The following LDB2 variants were observed in gnomAD, a reference collection of about 807,000 sequenced individuals.
LDB2 encodes the protein LIM domain binding 2, also known as LIM domain-binding protein 2.
In LDB2, 12 loss-of-function variants were observed where a neutral mutation model predicts 44.3. The ratio of observed to expected loss-of-function variants is 0.27; its 90% confidence interval spans 0.17 to 0.44. The LOEUF is 0.44. Among genes scored for constraint, LDB2 ranks in the 20% least tolerant of loss-of-function variants. LDB2 has a pLI of 1.00. For synonymous variants in LDB2, 164 were observed against 174.8 expected (o/e 0.94, Z 0.49); for missense variants, 344 against 473.5 (o/e 0.73, Z 2.54).
intron 2 of LDB2, among the ~76,000 whole-genome samples, chr4:16,614,580 C>CAAAAAAAAA (rs1164613202): frequency 3.4e-3 from 185 of 53,628 alleles, no homozygotes; most frequent in Non-Finnish European, 3.9e-3. Context: ...CAAGAAAAAA[C>CAAAAAAAAA]AAAAAAAAAA....
intron 1 of LDB2, among the ~76,000 whole-genome samples, chr4:16,816,554 G>A (rs943586251): frequency 1.4e-5 from 2 of 147,850 alleles, no homozygotes; most frequent in African/African-American, 4.9e-5. Flanking sequence ...GACTACAGGC[G>A]CCTGCCACCA....
At chr4:16,701,680 T>C (rs1753467279) in intron 2 of LDB2, among the ~76,000 whole-genome samples, 1 of 152,160 alleles carries the variant, frequency 6.6e-6, no homozygotes, top group African/African-American at 2.4e-5. Context: ...AGTTAACTTC[T>C]GGGGGCAGCT....
intron 1 of LDB2, among the ~76,000 whole-genome samples, chr4:16,794,699 T>C (rs1325910080): frequency 6.6e-6 from 1 of 152,264 alleles, no homozygotes; most frequent in Non-Finnish European, 1.5e-5. Context: ...TGATGTTACC[T>C]ATTATTAGGT....
At chr4:16,834,390 C>G (rs554493995) in intron 1 of LDB2, among the ~76,000 whole-genome samples, 1 of 152,348 alleles carries the variant, frequency 6.6e-6, no homozygotes, top group Admixed American at 6.5e-5. Context: ...TGTGCCATCA[C>G]ACCTATGTGG....
chr4:16,655,543 G>A (rs1739542264), intron 2 of LDB2, among the ~76,000 whole-genome samples: 1 of 152,170 alleles, frequency 6.6e-6, no homozygotes, highest in Admixed American at 6.5e-5. Flanking sequence ...TAAAATGAGT[G>A]TCATTTGCTC....
At position 16,582,481 on chromosome 4, in the gene LDB2, C is replaced by T. The variant is rs950618519; in HGVS notation, c.615+3441G>A. ...TTTCCGAGTTCCTGGCTTGCTTCTCCCATTCTAGTGCTCAAGTTCCAGCAC... is the reference window on the plus strand; with the variant it reads ...TTTCCGAGTTCCTGGCTTGCTTCTCTCATTCTAGTGCTCAAGTTCCAGCAC... On this transcript the variant is annotated intron_variant, in intron 5 of 7. Transcript: ENST00000304523. This position sits in a 1 kb window ranked among gnomAD's most constrained non-coding sequence, Gnocchi z 4.8. Among the ~76,000 whole-genome samples the T allele has an allele frequency of 3.9e-5, 6 of 152,208 alleles. No individual in the cohort carries two copies. The highest frequency in any genetic ancestry group is 7.3e-5 in the Non-Finnish European group (5 of 68,038).
At chr4:16,814,552 A>G (rs1188057712) in intron 1 of LDB2, among the ~76,000 whole-genome samples, 2 of 152,134 alleles carry the variant, frequency 1.3e-5, no homozygotes, top group Non-Finnish European at 2.9e-5. Context: ...TAATCCTCCA[A>G]TAATTTATGT....
chr4:16,706,873 T>C lies in LDB2; in HGVS notation c.235+52285A>G, dbSNP rs555448038. On this transcript the variant is annotated intron_variant, in intron 2 of 7. Transcript: ENST00000304523. Reference sequence around the variant, plus strand: ...CAGATAGGGTGACAGGGATCAGTCATTTAGGAAGTAGCTCATTATTGCTAA... The same window carrying C: ...CAGATAGGGTGACAGGGATCAGTCACTTAGGAAGTAGCTCATTATTGCTAA... Among the ~76,000 whole-genome samples, 96 of 152,246 alleles carry C rather than the reference T, an allele frequency of 6.3e-4. 1 individual carries two copies. The South Asian group carries it at 0.019, about 30-fold the overall frequency.
intron 6 of LDB2, among the ~76,000 whole-genome samples, chr4:16,510,577 A>G (rs1721354413): frequency 6.6e-6 from 1 of 152,188 alleles, no homozygotes. Flanking sequence ...ATTCTGGACT[A>G]TTCCCATTAC....
chr4:16,517,800 C>CT (rs1333462266), intron 5 of LDB2, among the ~76,000 whole-genome samples: 4 of 152,138 alleles, frequency 2.6e-5, no homozygotes, highest in African/African-American at 7.2e-5. Context: ...CTTCTGACCT[C>CT]TTTTTTCTGG....
intron 1 of LDB2, among the ~76,000 whole-genome samples, chr4:16,774,227 T>C (rs894139124): frequency 7.9e-5 from 12 of 151,722 alleles, no homozygotes; most frequent in African/African-American, 2.9e-4. Flanking sequence ...CTCCCACACT[T>C]TCTCAACCAT....
At chr4:16,870,883 C>T (rs1716368752) in intron 1 of LDB2, among the ~76,000 whole-genome samples, 1 of 152,152 alleles carries the variant, frequency 6.6e-6, no homozygotes, top group Non-Finnish European at 1.5e-5. Flanking sequence ...ATCCGCCCAC[C>T]TCGGCCTCCC....
intron 1 of LDB2, chr4:16,759,489 T>C: frequency 2.1e-6 from 1 of 474,524 alleles, no homozygotes; most frequent in South Asian, 4.0e-5. Context: ...GAATAAAAAT[T>C]AATTCTCCAG....
chr4:16,887,805 G>A (rs1722193216), intron 1 of LDB2, among the ~76,000 whole-genome samples: 1 of 151,996 alleles, frequency 6.6e-6, no homozygotes, highest in South Asian at 2.1e-4. Flanking sequence ...AATCATAGGT[G>A]CCCTGGTCAG....
intron 5 of LDB2, among the ~76,000 whole-genome samples, chr4:16,543,376 T>G (rs1734577453): frequency 6.6e-6 from 1 of 152,234 alleles, no homozygotes; most frequent in Non-Finnish European, 1.5e-5. Context: ...TGAACTAGTT[T>G]ACAGTCCCAC....
intron 5 of LDB2, 76 bp downstream of exon 5, chr4:16,585,846 T>G: frequency 2.8e-6 from 3 of 1,072,310 alleles, no homozygotes; most frequent in Non-Finnish European, 4.3e-6. Flanking sequence ...TTTTAACTTC[T>G]TGGTTCAGGA....
chr4:16,808,236 G>A (rs1779152177), intron 1 of LDB2, among the ~76,000 whole-genome samples: 1 of 152,174 alleles, frequency 6.6e-6, no homozygotes, highest in Non-Finnish European at 1.5e-5. Flanking sequence ...GCTTCTCATT[G>A]TCTTTGGATC....
At chr4:16,804,126 T>A (rs1460337839) in intron 1 of LDB2, among the ~76,000 whole-genome samples, 3 of 152,140 alleles carry the variant, frequency 2.0e-5, no homozygotes, top group African/African-American at 7.2e-5. Flanking sequence ...AACAGATACT[T>A]TTTTTCTTTA....
At chr4:16,723,726 T>A (rs921390537) in intron 2 of LDB2, among the ~76,000 whole-genome samples, 1 of 152,120 alleles carries the variant, frequency 6.6e-6, no homozygotes, top group Non-Finnish European at 1.5e-5. Context: ...TTCAGAAACC[T>A]GAGTTTTCTG....
Sources: allele counts gnomAD v4.1 joint callset (sites outside exome capture counted in the v4.1 genomes callset), GRCh38; gene constraint gnomAD v4.1.1; non-coding constraint Gnocchi (gnomAD v3.1); transcripts MANE v1.5; gene names NCBI Gene and HGNC (gene_info 2026-07-23, HGNC 2026-07-21).